Variants in UNC13B observed in about 807,000 individuals in gnomAD.
UNC13B encodes unc-13 homolog B, also known as protein unc-13 homolog B.
UNC13B carries 144 observed loss-of-function variants against 211.0 expected under a neutral mutation model. That is an observed-to-expected ratio of 0.68 (90% CI 0.60 to 0.78). The LOEUF is 0.78. Among genes scored for constraint, UNC13B ranks in the 30% least tolerant of loss-of-function variants. The pLI, the probability that UNC13B is intolerant of heterozygous loss-of-function variation, is 0.00. For missense variants in UNC13B, 1,777 were observed against 2,002.0 expected (o/e 0.89, Z 2.14); for synonymous variants, 709 against 725.8 (o/e 0.98, Z 0.37).
chr9:35,379,679 G>A (rs1368490881), intron 17 of UNC13B, among the ~76,000 whole-genome samples: 2 of 152,134 alleles, frequency 1.3e-5, no homozygotes, highest in Non-Finnish European at 2.9e-5. Context: ...ATAATACAGT[G>A]TATCCAAAAA....
intron 1 of UNC13B, among the ~76,000 whole-genome samples, chr9:35,193,794 G>A (rs546148054): frequency 2.6e-5 from 4 of 152,148 alleles, no homozygotes; most frequent in African/African-American, 2.4e-5. Context: ...CCCATTTACA[G>A]AAGCAGCATG....
chr9:35,257,317 A>T (rs1479196471), intron 6 of UNC13B, among the ~76,000 whole-genome samples: 5 of 128,900 alleles, frequency 3.9e-5, no homozygotes, highest in African/African-American at 1.5e-4. Context: ...AAATATAAAT[A>T]TTTATAAAAA....
chr9:35,201,627 G>A (rs1212317449), intron 1 of UNC13B, among the ~76,000 whole-genome samples: 1 of 152,162 alleles, frequency 6.6e-6, no homozygotes, highest in South Asian at 2.1e-4. Flanking sequence ...TTGCATAGAG[G>A]TGTTTATATT....
At chr9:35,332,791 C>T (rs7852335) in intron 11 of UNC13B, among the ~76,000 whole-genome samples, 54,607 of 152,046 alleles carry the variant, frequency 0.36, 10,313 homozygotes, top group African/African-American at 0.47. Context: ...AGAGTCTCAT[C>T]TTTTATCTTT....
intron 11 of UNC13B, among the ~76,000 whole-genome samples, chr9:35,333,863 A>G (rs1831501352): frequency 6.6e-6 from 1 of 152,246 alleles, no homozygotes; most frequent in South Asian, 2.1e-4. Context: ...TAATTGGGCT[A>G]ATATGCTGGA....
chr9:35,194,150 C>CG (rs1211272511), intron 1 of UNC13B, among the ~76,000 whole-genome samples: 8 of 152,130 alleles, frequency 5.3e-5, no homozygotes, highest in Non-Finnish European at 1.2e-4. Flanking sequence ...TGCTCACTGT[C>CG]GGGGGGAGCC....
At chr9:35,264,816 C>T (rs1827476440) in intron 7 of UNC13B, among the ~76,000 whole-genome samples, 1 of 152,154 alleles carries the variant, frequency 6.6e-6, no homozygotes, top group South Asian at 2.1e-4. Flanking sequence ...TGGAATTCAC[C>T]TTGGTAGGCT....
At chr9:35,174,341 CG>C (rs1038490525) in intron 1 of UNC13B, among the ~76,000 whole-genome samples, 7 of 145,806 alleles carry the variant, frequency 4.8e-5, no homozygotes, top group African/African-American at 1.8e-4. Context: ...TTTTTTTTGT[CG>C]GGGGGCAGGG....
At chr9:35,189,608 A>G (rs1223621859) in intron 1 of UNC13B, among the ~76,000 whole-genome samples, 1 of 152,218 alleles carries the variant, frequency 6.6e-6, no homozygotes, top group Non-Finnish European at 1.5e-5. Flanking sequence ...ATTACACACA[A>G]CACACATATA....
chr9:35,183,560 C>T (rs576456309), intron 1 of UNC13B, among the ~76,000 whole-genome samples: 20 of 137,310 alleles, frequency 1.5e-4, no homozygotes, highest in East Asian at 9.1e-4. Flanking sequence ...CAGGCAGAGG[C>T]GCCCCTCACC....
intron 6 of UNC13B, among the ~76,000 whole-genome samples, chr9:35,254,942 A>T (rs1381453033): frequency 8.2e-6 from 1 of 121,894 alleles, no homozygotes; most frequent in Non-Finnish European, 1.6e-5. Flanking sequence ...ATATATATTA[A>T]TATATGTATA....
At chr9:35,251,501 C>T (rs975799101) in intron 6 of UNC13B, among the ~76,000 whole-genome samples, 2 of 152,052 alleles carry the variant, frequency 1.3e-5, no homozygotes, top group African/African-American at 4.8e-5. Flanking sequence ...GCAGGAGAAT[C>T]ACTTGAACCT....
intron 6 of UNC13B, among the ~76,000 whole-genome samples, chr9:35,255,861 G>A (rs1826849714): frequency 6.6e-6 from 1 of 152,148 alleles, no homozygotes; most frequent in South Asian, 2.1e-4. Context: ...AGGCAGACTG[G>A]TCCCCGGGCA....
rs149089716 is a variant in UNC13B at position 35,385,826 on chromosome 9, C to G, written c.10965+13C>G. The stretch of plus-strand genomic sequence containing the variant: ...CTTCAGAATGAAGGTAAGAAATGGA[C>G]TGGGGCTTGGGTGGTGCTGGGCTGG... On this transcript the variant is annotated intron_variant, in intron 23 of 39. Transcript: ENST00000635942. 3 of 1,603,770 alleles carry G rather than the reference C, an allele frequency of 1.9e-6. No individual in the cohort carries two copies. The highest frequency in any genetic ancestry group is 2.6e-6 in the Non-Finnish European group (3 of 1,172,094).
chr9:35,276,400 C>T (rs1378957089), intron 7 of UNC13B, among the ~76,000 whole-genome samples: 1 of 151,968 alleles, frequency 6.6e-6, no homozygotes, highest in Non-Finnish European at 1.5e-5. Context: ...AAAATCCTGG[C>T]CTTGAGTACA....
At chr9:35,343,686 T>G (rs1234590119) in intron 11 of UNC13B, among the ~76,000 whole-genome samples, 1 of 152,146 alleles carries the variant, frequency 6.6e-6, no homozygotes, top group Non-Finnish European at 1.5e-5. Flanking sequence ...GTGTGCCCTT[T>G]GCAGTGAGCT....
chr9:35,328,303 C>T (rs1039181871), intron 11 of UNC13B, among the ~76,000 whole-genome samples: 2 of 152,126 alleles, frequency 1.3e-5, no homozygotes, highest in Non-Finnish European at 1.5e-5. Context: ...GGATTACAGG[C>T]GTGAGCCACC....
At chr9:35,182,194 A>G (rs1261241477) in intron 1 of UNC13B, among the ~76,000 whole-genome samples, 1 of 152,192 alleles carries the variant, frequency 6.6e-6, no homozygotes, top group Non-Finnish European at 1.5e-5. Flanking sequence ...TCACCTTTAA[A>G]AATTATAAAA....
chr9:35,265,404 C>G (rs886652928), intron 7 of UNC13B, among the ~76,000 whole-genome samples: 4 of 152,220 alleles, frequency 2.6e-5, no homozygotes, highest in African/African-American at 9.6e-5. Context: ...CACCAGAAAC[C>G]AAACCTTATG....
Sources: gnomAD v4.1 joint callset for allele counts (sites outside exome capture counted in the v4.1 genomes callset) on GRCh38, gnomAD v4.1.1 for gene constraint, MANE v1.5 for transcripts, NCBI Gene and HGNC (gene_info 2026-07-23, HGNC 2026-07-21) for gene names.